SPMIP5: variants seen among roughly 807,000 people sequenced by gnomAD.
SPMIP5 encodes sperm microtubule inner protein 5, also known as sperm-associated microtubule inner protein 5.
chr10:116,668,937 A>G, the SPMIP5 span, among the ~76,000 whole-genome samples: 49 of 59,118 alleles, frequency 8.3e-4, no homozygotes, highest in Non-Finnish European at 4.2e-4. Context: ...ACACATGCAC[A>G]CACACACACA....
chr10:116,666,331 C>A, the SPMIP5 span, among the ~76,000 whole-genome samples: 1 of 152,144 alleles, frequency 6.6e-6, no homozygotes, highest in Non-Finnish European at 1.5e-5. Flanking sequence ...CCACCCCTAG[C>A]ACAATTTTTC....
At chr10:116,665,572 CA>C in the SPMIP5 span, 3 of 1,585,608 alleles carry the variant, frequency 1.9e-6, no homozygotes, top group African/African-American at 4.0e-5. Context: ...CAGGGGTGAC[CA>C]GGGGTGAGGG....
At chr10:116,664,716 T>A in the SPMIP5 span, 1 of 1,594,580 alleles carries the variant, frequency 6.3e-7, no homozygotes, top group Non-Finnish European at 8.6e-7. Flanking sequence ...TTTGCACTTC[T>A]CCCTTTGACC....
chr10:116,665,725 G>A, the SPMIP5 span: 2 of 1,614,178 alleles, frequency 1.2e-6, no homozygotes, highest in African/African-American at 1.3e-5. Flanking sequence ...AATTCCCGCA[G>A]CTGTTCTTTA....
the SPMIP5 span, chr10:116,665,490 T>G: frequency 1.3e-6 from 1 of 799,072 alleles, no homozygotes; most frequent in South Asian, 2.1e-5. Context: ...CATTTGGTGC[T>G]GACCCCTGGG....
At chr10:116,669,776 A>G in the SPMIP5 span, among the ~76,000 whole-genome samples, 1 of 152,178 alleles carries the variant, frequency 6.6e-6, no homozygotes, top group Non-Finnish European at 1.5e-5. Context: ...TATGTTGCCC[A>G]AAAGCATCAG....
At chr10:116,662,257 TGA>T in the SPMIP5 span, among the ~76,000 whole-genome samples, 2 of 152,138 alleles carry the variant, frequency 1.3e-5, no homozygotes, top group Non-Finnish European at 2.9e-5. Context: ...TAACACTATG[TGA>T]GAGAGTAGAT....
chr10:116,663,712 CTT>C, the SPMIP5 span: 1 of 602,216 alleles, frequency 1.7e-6, no homozygotes, highest in East Asian at 3.0e-5. Context: ...GAAGCAGCCT[CTT>C]TATTCCCACA....
At chr10:116,663,212 G>A in the SPMIP5 span, among the ~76,000 whole-genome samples, 2 of 151,330 alleles carry the variant, frequency 1.3e-5, no homozygotes, top group South Asian at 2.1e-4. Context: ...GAAGATGGCC[G>A]TGTGAAGGCA....
chr10:116,667,660 GACTTAGTA>G, the SPMIP5 span, among the ~76,000 whole-genome samples: 1 of 152,210 alleles, frequency 6.6e-6, no homozygotes, highest in Non-Finnish European at 1.5e-5. Flanking sequence ...ACAGGGATAT[GACTTAGTA>G]AGTTCTCAGT....
At chr10:116,664,098 A>G in the SPMIP5 span, 1 of 1,613,440 alleles carries the variant, frequency 6.2e-7, no homozygotes. Flanking sequence ...TGGCCCAGCT[A>G]AGCAGAAAGG....
chr10:116,666,816 T>C, the SPMIP5 span, among the ~76,000 whole-genome samples: 1 of 152,242 alleles, frequency 6.6e-6, no homozygotes, highest in African/African-American at 2.4e-5. Flanking sequence ...TGCCTAGGTT[T>C]TATATTAGTG....
At chr10:116,663,541 C>T in the SPMIP5 span, among the ~76,000 whole-genome samples, 1 of 152,100 alleles carries the variant, frequency 6.6e-6, no homozygotes, top group African/African-American at 2.4e-5. Flanking sequence ...GCGCCGCTGT[C>T]AGGAACATGC....
At chr10:116,668,460 C>G in the SPMIP5 span, 1 of 727,128 alleles carries the variant, frequency 1.4e-6, no homozygotes, top group East Asian at 2.6e-5. Context: ...AGCACTACCA[C>G]CTTACCCAAA....
the SPMIP5 span, chr10:116,665,448 T>C: frequency 3.3e-5 from 19 of 567,500 alleles, no homozygotes; most frequent in African/African-American, 3.0e-4. Flanking sequence ...AAAAGAAATG[T>C]GTCTTTCTCA....
the SPMIP5 span, among the ~76,000 whole-genome samples, chr10:116,667,197 C>T: frequency 6.6e-6 from 1 of 152,090 alleles, no homozygotes; most frequent in Non-Finnish European, 1.5e-5. Context: ...AAGAGAGTGA[C>T]TGGAGAGATG....
chr10:116,665,825 G>T, the SPMIP5 span: 1 of 1,604,358 alleles, frequency 6.2e-7, no homozygotes. Context: ...ATGGCACAAA[G>T]CCTGCAAGAG....
chr10:116,663,348 CCCCAG>C, the SPMIP5 span, among the ~76,000 whole-genome samples: 1 of 152,064 alleles, frequency 6.6e-6, no homozygotes, highest in African/African-American at 2.4e-5. Flanking sequence ...CCTGCTAACA[CCCCAG>C]TTTTGGACTT....
At chr10:116,664,007 T>C in the SPMIP5 span, 13 of 1,550,890 alleles carry the variant, frequency 8.4e-6, no homozygotes, top group African/African-American at 6.8e-5. Context: ...AGCGGAGTTT[T>C]GGGGTCCTCT....
Sources: allele counts gnomAD v4.1 joint callset (sites outside exome capture counted in the v4.1 genomes callset), GRCh38; gene constraint gnomAD v4.1.1; transcripts MANE v1.5; gene names NCBI Gene and HGNC (gene_info 2026-07-23, HGNC 2026-07-21).